The following SCAMP2 variants were observed in gnomAD, a reference collection of about 807,000 sequenced individuals.
SCAMP2 encodes the protein secretory carrier-associated membrane protein 2.
Under a neutral mutation model 44.1 loss-of-function variants are expected in SCAMP2, and 25 were observed. The ratio of observed to expected loss-of-function variants is 0.57; its 90% CI spans 0.41 to 0.79. SCAMP2 has a LOEUF of 0.79. SCAMP2 is among the 30% of genes least tolerant of loss of function. The pLI is 0.00. For missense variants in SCAMP2, 355 were observed against 411.0 expected (o/e 0.86, Z 1.18); for synonymous variants, 156 against 166.0 (o/e 0.94, Z 0.46).
Position 74,844,203 on chromosome 15 carries a change from A to AGCG in SCAMP2, c.*879_*880insCGC, listed in dbSNP as rs1555472807. On this transcript the variant is annotated 3_prime_UTR_variant, in exon 9 of 9. Transcript: ENST00000268099. ...AAGGCAGCCGTCCCTCGGTTCGGGG[A>AGCG]GGGGGGGGGGTAGTCACAGCAAACA... The AGCG allele has an allele frequency of 3.0e-5, 2 of 67,114 alleles. No individual in the cohort carries two copies. Among genetic ancestry groups the AGCG allele is most frequent in the South Asian group, 4.7e-4 (1 of 2,134 alleles). 4.2% of individuals were successfully genotyped at this position (67,114 alleles called of 1,614,324 possible).
At chr15:74,864,693 G>C (rs1443629117) in intron 1 of SCAMP2, among the ~76,000 whole-genome samples, 3 of 152,104 alleles carry the variant, frequency 2.0e-5, no homozygotes, top group African/African-American at 7.2e-5. Context: ...AGGAACAAGA[G>C]GGACTTCAGA....
At chr15:74,852,406 T>G (rs1249036381) in intron 3 of SCAMP2, 1 of 389,156 alleles carries the variant, frequency 2.6e-6, no homozygotes, top group Admixed American at 4.5e-5. Flanking sequence ...CCCTTGGCCA[T>G]GACTAAGCTG....
At position 74,852,121 on chromosome 15, in the gene SCAMP2, G is replaced by A. The variant is rs765652046; in HGVS notation, c.291C>T (p.Ala97=). 1.4e-5 allele frequency: 22 copies of A among 1,592,072 alleles called. 1 individual carries two copies. The highest frequency in any genetic ancestry group is 5.4e-5 in the African/African-American group (4 of 73,732). Residue 97 remains alanine, a synonymous_variant, in exon 4 of 9, where the codon GCC becomes GCT. Transcript: ENST00000268099. ...RQQEELDRKA[A]ELERKERELQ... is the part of the protein sequence containing the mutation. The stretch of plus-strand genomic sequence containing the variant: ...GCTCCCGCTCCTTGCGTTCCAGCTC[G>A]GCAGCTTTCCTGTCCAGTTCTTCCT...
At chr15:74,866,798 CTTT>C (rs112929950) in intron 1 of SCAMP2, among the ~76,000 whole-genome samples, 31 of 119,666 alleles carry the variant, frequency 2.6e-4, no homozygotes, top group Non-Finnish European at 2.7e-4. Context: ...TATTTTCTTT[CTTT>C]TTTTTTTTTT....
Position 74,851,418 on chromosome 15 carries a change from T to A in SCAMP2, c.407A>T (p.Asp136Val). 1 of 1,613,980 alleles carries A rather than the reference T, an allele frequency of 6.2e-7. No homozygotes were observed. Among genetic ancestry groups the A allele is most frequent in the Non-Finnish European group, 8.5e-7 (1 of 1,179,914 alleles). ...GTCGGCAGGGATCTCTGTGGAGAAA[T>A]CCTGATAGAAGCAGGGCTTCACAGG... ...WCPVKPCFYQ[D>V]FSTEIPADYQ... is the part of the protein sequence containing the mutation. Residue 136 changes from aspartate (D) to valine (V), a missense_variant, in exon 5 of 9, where the codon GAT (aspartate) becomes GTT (valine). Transcript: ENST00000268099.
intron 7 of SCAMP2, among the ~76,000 whole-genome samples, chr15:74,846,454 A>G: frequency 9.5e-6 from 1 of 105,070 alleles, no homozygotes; most frequent in Non-Finnish European, 2.6e-5. Context: ...TCCAAAAAAA[A>G]AAAAAAAAGA....
chr15:74,845,732 C>T, intron 7 of SCAMP2, 139 bp from the exon 8 acceptor site: 2 of 1,075,718 alleles, frequency 1.9e-6, no homozygotes, highest in Non-Finnish European at 1.4e-6. Context: ...GCCCTGTGAG[C>T]CAGAAGCCCT....
At chr15:74,861,841 CA>C (rs1461316504) in intron 1 of SCAMP2, among the ~76,000 whole-genome samples, 2 of 142,040 alleles carry the variant, frequency 1.4e-5, no homozygotes, top group Admixed American at 1.5e-4. Context: ...GTGGAGCTTG[CA>C]GCGAGCCGAG....
intron 2 of SCAMP2, 92 bp from the exon 3 acceptor site, chr15:74,854,211 C>A: frequency 8.6e-7 from 1 of 1,167,136 alleles, no homozygotes; most frequent in Middle Eastern, 2.0e-4. Context: ...TGATGTGCCC[C>A]TGCCTGTGAG....
Position 74,845,023 on chromosome 15 carries a change from G to C in SCAMP2, c.*60C>G. ...AACCACCACCACATAAGGCACCCAC[G>C]GAAAGTGCAGCTCAGAAGGCAGGCG... On this transcript the variant is annotated 3_prime_UTR_variant, in exon 9 of 9. Transcript: ENST00000268099. The C allele has an allele frequency of 1.3e-6, 2 of 1,569,710 alleles. No individual in the cohort carries two copies. The highest frequency in any genetic ancestry group is 1.7e-6 in the Non-Finnish European group (2 of 1,151,692).
At chr15:74,861,657 G>A (rs1301061008) in intron 1 of SCAMP2, among the ~76,000 whole-genome samples, 1 of 152,156 alleles carries the variant, frequency 6.6e-6, no homozygotes, top group African/African-American at 2.4e-5. Flanking sequence ...GCAGCACTTT[G>A]GGAGGCCAAG....
At chr15:74,847,085 A>T (rs4480762) in intron 7 of SCAMP2, among the ~76,000 whole-genome samples, 2 of 127,122 alleles carry the variant, frequency 1.6e-5, no homozygotes, top group African/African-American at 5.8e-5. Context: ...ATTGTCAGTT[A>T]ATTTTTTTTT....
At chr15:74,854,438 C>G (rs2064455066) in intron 2 of SCAMP2, 143 bp downstream of exon 2, 5 of 778,766 alleles carry the variant, frequency 6.4e-6, no homozygotes, top group East Asian at 2.7e-5. Flanking sequence ...CTTACCCTGC[C>G]TCCCGGGTTC....
At chr15:74,871,695 T>C (rs550339146) in intron 1 of SCAMP2, among the ~76,000 whole-genome samples, 3 of 151,380 alleles carry the variant, frequency 2.0e-5, no homozygotes, top group African/African-American at 7.3e-5. Flanking sequence ...GAGGTTGCAG[T>C]GAGCCGAGAT....
chr15:74,864,067 T>C (rs1452779533), intron 1 of SCAMP2, among the ~76,000 whole-genome samples: 1 of 152,126 alleles, frequency 6.6e-6, no homozygotes. Context: ...ATTTTATATA[T>C]GTATATATTT....
At chr15:74,848,422 G>T in intron 7 of SCAMP2, 178 bp downstream of exon 7, 2 of 506,712 alleles carry the variant, frequency 3.9e-6, no homozygotes. Context: ...AAAGTGAGTG[G>T]CTACTGATGA....
At chr15:74,872,540 C>T (rs1228091648) in intron 1 of SCAMP2, among the ~76,000 whole-genome samples, 1 of 152,198 alleles carries the variant, frequency 6.6e-6, no homozygotes, top group Non-Finnish European at 1.5e-5. Flanking sequence ...CCGCACCTCT[C>T]CTCTCTCCCT....
At chr15:74,866,560 A>G (rs2064545369) in intron 1 of SCAMP2, among the ~76,000 whole-genome samples, 1 of 152,054 alleles carries the variant, frequency 6.6e-6, no homozygotes, top group African/African-American at 2.4e-5. Flanking sequence ...AAAAATACAA[A>G]AATTAGCCAG....
intron 7 of SCAMP2, 88 bp downstream of exon 7, chr15:74,848,512 C>T (rs1209746082): frequency 1.2e-5 from 10 of 829,106 alleles, no homozygotes; most frequent in Admixed American, 4.6e-5. Context: ...AGGGCACTGG[C>T]GGGGCTCTGT....
Sources: gnomAD v4.1 joint callset for allele counts (sites outside exome capture counted in the v4.1 genomes callset) on GRCh38, gnomAD v4.1.1 for gene constraint, MANE v1.5 for transcripts, NCBI Gene and HGNC (gene_info 2026-07-23, HGNC 2026-07-21) for gene names.